Variants in KCND2 observed in about 807,000 individuals in gnomAD.
The protein encoded by KCND2 is A-type voltage-gated potassium channel KCND2.
A neutral mutation model predicts 54.4 loss-of-function variants in KCND2; 16 were observed. The observed-to-expected ratio is 0.29, with a 90% CI of 0.20 to 0.45. KCND2 has a LOEUF of 0.45. KCND2 is among the 20% of genes least tolerant of loss of function. KCND2 has a pLI of 1.00. For missense variants in KCND2, 486 were observed against 824.2 expected, an observed-to-expected ratio of 0.59 and a Z score of 5.02; for synonymous variants, 317 against 310.7, an observed-to-expected ratio of 1.02 and a Z score of -0.21.
intron 1 of KCND2, among the ~76,000 whole-genome samples, chr7:120,351,790 T>C (rs1800410919): frequency 6.6e-6 from 1 of 151,868 alleles, no homozygotes; most frequent in Admixed American, 6.6e-5. Context: ...TCTTTTCTTT[T>C]TCTTTTTTTT....
At chr7:120,455,922 A>G (rs906219650) in intron 1 of KCND2, among the ~76,000 whole-genome samples, 1 of 152,202 alleles carries the variant, frequency 6.6e-6, no homozygotes, top group Non-Finnish European at 1.5e-5. Flanking sequence ...CGTGCAGTTT[A>G]CCTATATAAC....
At chr7:120,330,317 C>T (rs1800046721) in intron 1 of KCND2, among the ~76,000 whole-genome samples, 1 of 152,006 alleles carries the variant, frequency 6.6e-6, no homozygotes, top group South Asian at 2.1e-4. Context: ...TGGTGGCTCA[C>T]GCCTGTAATC....
chr7:120,441,683 T>C lies in KCND2; in HGVS notation c.1115+165936T>C, dbSNP rs537557083. Among the ~76,000 whole-genome samples, 31 of 152,256 alleles carry C rather than the reference T, an allele frequency of 2.0e-4. No homozygotes were observed. The East Asian group carries it at 5.4e-3, about 26-fold the overall frequency. ...TGTAGAAGATTTTCCTGTATCTAGT[T>C]AGACAACTAACTAATTGCTGAGTGA... On this transcript the variant is annotated intron_variant, in intron 1 of 5. Transcript: ENST00000331113.
chr7:120,727,425 T>C (rs973796357), intron 1 of KCND2, among the ~76,000 whole-genome samples: 1 of 152,236 alleles, frequency 6.6e-6, no homozygotes, highest in Admixed American at 6.5e-5. Context: ...GATGAATGGA[T>C]GCATTGTCTG....
chr7:120,729,938 G>T (rs994084312), intron 1 of KCND2, among the ~76,000 whole-genome samples: 5 of 152,068 alleles, frequency 3.3e-5, no homozygotes, highest in Non-Finnish European at 1.5e-5. Flanking sequence ...TCAATAAACT[G>T]GTGTATCTCC....
Position 120,274,806 on chromosome 7 carries a change from C to G in KCND2, c.174C>G (p.Thr58=). The G allele has an allele frequency of 1.2e-6, 2 of 1,614,032 alleles. No individual in the cohort carries two copies. Among genetic ancestry groups the G allele is most frequent in the Non-Finnish European group, 1.7e-6 (2 of 1,179,970 alleles). ...SGTRFQTWQD[T]LERYPDTLLG... is the part of the protein sequence containing the mutation. ...CCCGCTTCCAGACGTGGCAGGACACCCTGGAACGTTACCCAGACACTCTAC... is the reference window on the plus strand; with the variant it reads ...CCCGCTTCCAGACGTGGCAGGACACGCTGGAACGTTACCCAGACACTCTAC... The change falls in exon 1 of 6, where the codon ACC becomes ACG. Residue 58 remains threonine, a synonymous_variant. Transcript: ENST00000331113.
intron 1 of KCND2, among the ~76,000 whole-genome samples, chr7:120,363,967 T>A (rs1004638707): frequency 1.3e-5 from 2 of 152,124 alleles, no homozygotes; most frequent in African/African-American, 4.8e-5. Flanking sequence ...GCCCAGATAC[T>A]CACTTGGCTT....
In KCND2 at chr7:120,737,056, AC is replaced by A. The variant is rs1562924251; in HGVS notation, c.1278+3992del. On this transcript the variant is annotated intron_variant, in intron 2 of 5. Transcript: ENST00000331113. The stretch of plus-strand genomic sequence containing the variant: ...AGCTTACACACACACACACACACAC[AC>A]ACACACACACACACACACAAACAAA... 8.5e-4 allele frequency among the ~76,000 whole-genome samples: 123 copies of A among 145,282 alleles called. 1 individual carries two copies. Among genetic ancestry groups the A allele is most frequent in the African/African-American group, 2.8e-3 (109 of 38,890 alleles).
chr7:120,399,441 T>C (rs1036360304), intron 1 of KCND2, among the ~76,000 whole-genome samples: 1 of 151,772 alleles, frequency 6.6e-6, no homozygotes, highest in Admixed American at 6.6e-5. Context: ...TTACTTTTAC[T>C]ACTTAAAAAT....
At chr7:120,643,401 CAT>C (rs1562896738) in intron 1 of KCND2, among the ~76,000 whole-genome samples, 1 of 151,988 alleles carries the variant, frequency 6.6e-6, no homozygotes, top group African/African-American at 2.4e-5. Flanking sequence ...AAACAATTAA[CAT>C]AAAAATATAT....
chr7:120,519,126 G>A (rs1015863218), intron 1 of KCND2, among the ~76,000 whole-genome samples: 2 of 151,970 alleles, frequency 1.3e-5, no homozygotes, highest in African/African-American at 2.4e-5. Context: ...TCAGGAGTTC[G>A]AGATCAGACT....
intron 1 of KCND2, among the ~76,000 whole-genome samples, chr7:120,494,822 G>A (rs1363747485): frequency 6.7e-6 from 1 of 148,968 alleles, no homozygotes; most frequent in Admixed American, 6.7e-5. Context: ...TAGATAACAT[G>A]TCTGAAAATA....
At chr7:120,487,414 T>A (rs1260541782) in intron 1 of KCND2, among the ~76,000 whole-genome samples, 2 of 151,466 alleles carry the variant, frequency 1.3e-5, no homozygotes, top group African/African-American at 4.9e-5. Flanking sequence ...AAAAAGAAAT[T>A]GAGAAGAGGG....
At chr7:120,605,058 T>A (rs1165819492) in intron 1 of KCND2, among the ~76,000 whole-genome samples, 1 of 152,236 alleles carries the variant, frequency 6.6e-6, no homozygotes, top group Non-Finnish European at 1.5e-5. Flanking sequence ...TGTTTTCACA[T>A]CAGTACATAT....
chr7:120,449,734 T>C (rs1802074621), intron 1 of KCND2, among the ~76,000 whole-genome samples: 1 of 152,224 alleles, frequency 6.6e-6, no homozygotes, highest in South Asian at 2.1e-4. Context: ...TAGTTAAGCC[T>C]GCCACTCACT....
intron 1 of KCND2, among the ~76,000 whole-genome samples, chr7:120,411,751 A>G (rs1322902589): frequency 1.3e-5 from 2 of 151,988 alleles, no homozygotes; most frequent in Non-Finnish European, 2.9e-5. Context: ...TCTGTCAGCT[A>G]TGTTACTTAT....
intron 1 of KCND2, among the ~76,000 whole-genome samples, chr7:120,694,365 T>C (rs1792308284): frequency 6.6e-6 from 1 of 152,194 alleles, no homozygotes; most frequent in African/African-American, 2.4e-5. Context: ...ATGTAGACTG[T>C]ATAGCGTGGC....
intron 1 of KCND2, among the ~76,000 whole-genome samples, chr7:120,417,671 A>G (rs1033079209): frequency 6.6e-6 from 1 of 152,192 alleles, no homozygotes; most frequent in African/African-American, 2.4e-5. Context: ...TCCCCGAGGC[A>G]GGAAAGAAAG....
chr7:120,735,959 C>T (rs1792864561), intron 2 of KCND2, among the ~76,000 whole-genome samples: 1 of 151,988 alleles, frequency 6.6e-6, no homozygotes, highest in African/African-American at 2.4e-5. Context: ...AACAAACGCC[C>T]ATTAGGCTAA....
Sources: allele counts gnomAD v4.1 joint callset (sites outside exome capture counted in the v4.1 genomes callset), GRCh38; gene constraint gnomAD v4.1.1; transcripts MANE v1.5; gene names NCBI Gene and HGNC (gene_info 2026-07-23, HGNC 2026-07-21).